Variants in CCDC93 observed in about 807,000 individuals in gnomAD.
CCDC93 encodes coiled-coil domain-containing protein 93.
In CCDC93, 61 loss-of-function variants were observed where a neutral mutation model predicts 108.2. The ratio of observed to expected loss-of-function variants is 0.56; its 90% CI spans 0.46 to 0.70. The LOEUF is 0.70. Ranked by LOEUF, CCDC93 falls within the 30% of genes least tolerant of loss-of-function variation. CCDC93 has a pLI of 0.00. For missense variants in CCDC93, 685 were observed against 764.2 expected, an observed-to-expected ratio of 0.90 and a Z score of 1.22; for synonymous variants, 276 against 260.4, an observed-to-expected ratio of 1.06 and a Z score of -0.58.
chr2:117,969,652 A>G (rs1679697492), intron 11 of CCDC93, among the ~76,000 whole-genome samples: 1 of 137,282 alleles, frequency 7.3e-6, no homozygotes, highest in Admixed American at 8.0e-5. Flanking sequence ...TGCAAAACAT[A>G]AACAATTTCA....
intron 5 of CCDC93, 65 bp from the exon 6 acceptor site, chr2:117,995,567 C>G: frequency 8.7e-7 from 1 of 1,148,700 alleles, no homozygotes. Context: ...GTGGACCACT[C>G]AGATATGTCT....
intron 11 of CCDC93, among the ~76,000 whole-genome samples, chr2:117,963,290 C>T (rs996318459): frequency 2.6e-5 from 4 of 152,190 alleles, no homozygotes; most frequent in African/African-American, 9.7e-5. Flanking sequence ...CATGCCCATT[C>T]CTCCCTAAAG....
At position 117,922,197 on chromosome 2, in the gene CCDC93, C is replaced by T. The variant is rs3771932; in HGVS notation, c.1843-1801G>A. On this transcript the variant is annotated intron_variant, in intron 23 of 23. Transcript: ENST00000376300. ...GGCAAAAACAGCATCAGAACTCTAC[C>T]GTGGGGAACTGTGTGTGTCACAGAA... 1.5e-4 allele frequency among the ~76,000 whole-genome samples: 23 copies of T among 152,218 alleles called. No individual in the cohort carries two copies. In the East Asian group the frequency reaches 3.5e-3, roughly 23 times the overall value.
In CCDC93 at chr2:117,985,525, T is replaced by A. The variant is rs933241191; in HGVS notation, c.620+444A>T. ...TAAAAACTAAGGATATAAAATAAGA[T>A]TTTTTTTTTTTAAACTAGAGATGTT... On this transcript the variant is annotated intron_variant, in intron 7 of 23. Coordinates refer to ENST00000376300, the MANE Select transcript of CCDC93 (RefSeq NM_019044.5). 2.4e-5 allele frequency: 5 copies of A among 205,212 alleles called. No homozygotes were observed. In the African/African-American group the frequency reaches 3.0e-4, roughly 12 times the overall value. 12.7% of individuals were successfully genotyped at this position (205,212 alleles called of 1,614,324 possible). A position where few individuals can be genotyped will look rare whatever the true frequency, so the allele number is the denominator to read the frequency against.
At chr2:117,948,051 C>A (rs1678933052) in intron 15 of CCDC93, 54 bp downstream of exon 15, 1 of 1,418,684 alleles carries the variant, frequency 7.0e-7, no homozygotes, top group South Asian at 1.2e-5. Context: ...CGGAGGTAAA[C>A]CAAGAGATTC....
intron 13 of CCDC93, chr2:117,950,458 T>G (rs908585751): frequency 1.0e-6 from 1 of 985,348 alleles, no homozygotes; most frequent in South Asian, 4.7e-5. Flanking sequence ...TCATGCAGCC[T>G]CCCCCACAGG....
intron 10 of CCDC93, among the ~76,000 whole-genome samples, chr2:117,974,541 G>A (rs1417837869): frequency 6.6e-6 from 1 of 152,124 alleles, no homozygotes; most frequent in African/African-American, 2.4e-5. Context: ...GAAAGCAGAA[G>A]ACAAGAGCTG....
intron 6 of CCDC93, among the ~76,000 whole-genome samples, chr2:117,989,794 A>C (rs1246621933): frequency 6.6e-6 from 1 of 152,344 alleles, no homozygotes; most frequent in South Asian, 2.1e-4. Context: ...ACATATTTAC[A>C]TGCATATGGA....
At chr2:118,003,608 C>A (rs964557434) in intron 3 of CCDC93, among the ~76,000 whole-genome samples, 2 of 152,148 alleles carry the variant, frequency 1.3e-5, no homozygotes, top group Non-Finnish European at 2.9e-5. Context: ...GAGGCTGGGA[C>A]CCACACCACC....
At chr2:117,995,032 T>C (rs1276734667) in intron 6 of CCDC93, among the ~76,000 whole-genome samples, 2 of 152,124 alleles carry the variant, frequency 1.3e-5, no homozygotes, top group Non-Finnish European at 2.9e-5. Context: ...ACAAACGCCA[T>C]CCCAGAGCTT....
intron 21 of CCDC93, 105 bp from the exon 22 acceptor site, chr2:117,935,684 C>G: frequency 1.2e-6 from 1 of 802,024 alleles, no homozygotes; most frequent in Non-Finnish European, 2.0e-6. Flanking sequence ...TTAGGAGAGG[C>G]AATCAGGTCT....
At chr2:117,982,751 G>T (rs1162278228) in intron 7 of CCDC93, among the ~76,000 whole-genome samples, 1 of 21,154 alleles carries the variant, frequency 4.7e-5, no homozygotes, top group African/African-American at 1.1e-4. Context: ...ATGCCATAGT[G>T]TAGTGGGGGG....
rs926906660 is a variant in CCDC93 at position 117,917,283 on chromosome 2, A to T, written c.*3060T>A. ...ACTAGAGACGTACTGGGGCCTGACA[A>T]CATCAACAACGTCACAACCCTGAGG... is the stretch of plus-strand genomic sequence containing the variant. On this transcript the variant is annotated 3_prime_UTR_variant, in exon 24 of 24. Transcript: ENST00000376300. The T allele has an allele frequency of 1.3e-5, 2 of 152,704 alleles. No homozygotes were observed. Among genetic ancestry groups the T allele is most frequent in the African/African-American group, 4.8e-5 (2 of 41,442 alleles). The allele number at this position is 152,704 out of a possible 1,614,324, so 9.5% of individuals were successfully genotyped here.
chr2:117,936,662 C>A (rs565832938), intron 21 of CCDC93, 40 bp downstream of exon 21: 1 of 1,558,892 alleles, frequency 6.4e-7, no homozygotes. Flanking sequence ...AAGCGCAGGC[C>A]GGCAGGGTAT....
chr2:117,996,414 A>G (rs752434514), intron 4 of CCDC93, 52 bp from the exon 5 acceptor site: 4 of 1,248,386 alleles, frequency 3.2e-6, no homozygotes, highest in Non-Finnish European at 2.4e-6. Flanking sequence ...ATCCCACTGA[A>G]GTGAAGGCCA....
At chr2:118,006,306 T>C (rs775263586) in intron 3 of CCDC93, among the ~76,000 whole-genome samples, 140 of 152,140 alleles carry the variant, frequency 9.2e-4, no homozygotes, top group Admixed American at 1.8e-3. Context: ...AGTGGTCTAA[T>C]GAAATGGCCA....
chr2:117,948,286 A>C, intron 14 of CCDC93, 100 bp from the exon 15 acceptor site: 1 of 770,948 alleles, frequency 1.3e-6, no homozygotes, highest in Admixed American at 2.2e-5. Flanking sequence ...CTCTCCTTTT[A>C]ATTTCCTTTC....
At chr2:118,003,652 T>C (rs1676779206) in intron 3 of CCDC93, among the ~76,000 whole-genome samples, 1 of 152,154 alleles carries the variant, frequency 6.6e-6, no homozygotes, top group African/African-American at 2.4e-5. Context: ...AGACATGGCA[T>C]TTCCTGGCCA....
chr2:117,977,737 C>T (rs559624388), intron 8 of CCDC93, among the ~76,000 whole-genome samples: 11 of 152,284 alleles, frequency 7.2e-5, no homozygotes, highest in Admixed American at 6.5e-4. Flanking sequence ...AGCCACTAGA[C>T]CCCAAGTGAC....
Sources: allele counts gnomAD v4.1 joint callset (sites outside exome capture counted in the v4.1 genomes callset), GRCh38; gene constraint gnomAD v4.1.1; transcripts MANE v1.5; gene names NCBI Gene and HGNC (gene_info 2026-07-23, HGNC 2026-07-21).